The following NR3C2 variants were observed in gnomAD, a reference collection of about 807,000 sequenced individuals.
NR3C2 encodes the protein mineralocorticoid receptor.
Under a neutral mutation model 86.4 loss-of-function variants are expected in NR3C2, and 15 were observed. The ratio of observed to expected loss-of-function variants is 0.17; its 90% CI spans 0.12 to 0.27. The LOEUF (loss-of-function observed/expected upper bound fraction) is 0.27, where lower values mean the gene tolerates loss of function less well. Ranked by LOEUF, NR3C2 falls within the 10% of genes least tolerant of loss-of-function variation. NR3C2 has a pLI of 1.00. For synonymous variants in NR3C2, 458 were observed against 450.5 expected, an observed-to-expected ratio of 1.02 and a Z score of -0.21; for missense variants, 960 against 1,195.6, an observed-to-expected ratio of 0.80 and a Z score of 2.91.
intron 2 of NR3C2, among the ~76,000 whole-genome samples, chr4:148,361,199 T>C (rs1464305685): frequency 6.6e-6 from 1 of 152,168 alleles, no homozygotes; most frequent in East Asian, 1.9e-4. Context: ...ACATCCAGAA[T>C]AAATTTTAAA....
chr4:148,444,035 TC>T, upstream of NR3C2: 1 of 985,308 alleles, frequency 1.0e-6, no homozygotes, highest in Non-Finnish European at 1.2e-6. Context: ...CCGCCGAGCG[TC>T]CCAACTTTCC....
chr4:148,329,690 A>T (rs1744139392), intron 2 of NR3C2, among the ~76,000 whole-genome samples: 1 of 152,268 alleles, frequency 6.6e-6, no homozygotes, highest in Non-Finnish European at 1.5e-5. Flanking sequence ...TTAAGTTATT[A>T]GGACTTTCTA....
intron 2 of NR3C2, among the ~76,000 whole-genome samples, chr4:148,413,019 T>C (rs1748787728): frequency 6.6e-6 from 1 of 152,236 alleles, no homozygotes; most frequent in East Asian, 1.9e-4. Flanking sequence ...AATGAATAAC[T>C]GATCAAAACT....
chr4:148,097,934 GATCAGCATGA>G (rs1731366650), intron 8 of NR3C2, among the ~76,000 whole-genome samples: 1 of 151,936 alleles, frequency 6.6e-6, no homozygotes, highest in Non-Finnish European at 1.5e-5. Context: ...AGAGGAACAG[GATCAGCATGA>G]GAATATGGCT....
chr4:148,329,474 A>G (rs1744123944), intron 2 of NR3C2, among the ~76,000 whole-genome samples: 1 of 152,122 alleles, frequency 6.6e-6, no homozygotes, highest in Admixed American at 6.5e-5. Context: ...TTTCATTTAC[A>G]TTATTTACAG....
chr4:148,284,973 G>A (rs567336439), intron 2 of NR3C2, among the ~76,000 whole-genome samples: 1 of 152,258 alleles, frequency 6.6e-6, no homozygotes, highest in East Asian at 1.9e-4. Flanking sequence ...TACAGAGCAG[G>A]TACTGGCAGG....
intron 4 of NR3C2, among the ~76,000 whole-genome samples, chr4:148,167,649 A>G (rs1734939254): frequency 1.3e-5 from 2 of 152,258 alleles, no homozygotes; most frequent in South Asian, 2.1e-4. Flanking sequence ...TAGGCACTAA[A>G]TAAGTGCTTA....
At chr4:148,282,018 T>A (rs1055022598) in intron 2 of NR3C2, among the ~76,000 whole-genome samples, 12 of 152,194 alleles carry the variant, frequency 7.9e-5, no homozygotes, top group African/African-American at 2.9e-4. Context: ...TTTATGAGTA[T>A]CTCTTACTTA....
intron 3 of NR3C2, among the ~76,000 whole-genome samples, chr4:148,229,260 G>A (rs28465033): frequency 0.13 from 20,257 of 152,052 alleles, 1,581 homozygotes; most frequent in African/African-American, 0.21. Flanking sequence ...GAGAAGCCTG[G>A]CCTCTTCAGC....
At chr4:148,358,545 G>A (rs1420333451) in intron 2 of NR3C2, among the ~76,000 whole-genome samples, 7 of 151,000 alleles carry the variant, frequency 4.6e-5, no homozygotes, top group South Asian at 2.1e-4. Flanking sequence ...TGGATGCAGC[G>A]CACCAGCATG....
At chr4:148,147,439 T>C (rs937890612) in intron 6 of NR3C2, among the ~76,000 whole-genome samples, 9 of 152,228 alleles carry the variant, frequency 5.9e-5, no homozygotes, top group Admixed American at 3.3e-4. Flanking sequence ...CACTGATTAA[T>C]AGATTGTTTG....
upstream of NR3C2, among the ~76,000 whole-genome samples, chr4:148,443,440 G>A (rs1428519296): frequency 6.6e-6 from 1 of 151,952 alleles, no homozygotes; most frequent in Non-Finnish European, 1.5e-5. Flanking sequence ...ACATAAGTGG[G>A]AGAAACAGAC....
chr4:148,237,197 G>A (rs1345233349), intron 3 of NR3C2, among the ~76,000 whole-genome samples: 3 of 152,132 alleles, frequency 2.0e-5, no homozygotes, highest in Non-Finnish European at 4.4e-5. Flanking sequence ...AAATTCTAGG[G>A]AAGACATACC....
upstream of NR3C2, chr4:148,442,490 G>C (rs555598549): frequency 4.1e-6 from 1 of 246,788 alleles, no homozygotes; most frequent in African/African-American, 2.3e-5. Context: ...GCCCGGAGGG[G>C]GAGTGGGCCA....
chr4:148,335,277 T>C (rs1744423205), intron 2 of NR3C2, among the ~76,000 whole-genome samples: 1 of 152,244 alleles, frequency 6.6e-6, no homozygotes, highest in Admixed American at 6.5e-5. Context: ...TACCATTTAA[T>C]TTTGATCATT....
At chr4:148,216,412 TC>T (rs1373260535) in intron 3 of NR3C2, among the ~76,000 whole-genome samples, 6 of 152,138 alleles carry the variant, frequency 3.9e-5, no homozygotes, top group African/African-American at 1.4e-4. Context: ...TCTTAGCATC[TC>T]CATTTTACGT....
At chr4:148,348,337 T>C (rs1218377757) in intron 2 of NR3C2, among the ~76,000 whole-genome samples, 2 of 152,166 alleles carry the variant, frequency 1.3e-5, no homozygotes, top group Non-Finnish European at 2.9e-5. Context: ...ATGTGATTTA[T>C]GTCCAATTCA....
chr4:148,153,225 G>A (rs568516401), intron 5 of NR3C2, among the ~76,000 whole-genome samples: 1 of 126,658 alleles, frequency 7.9e-6, no homozygotes, highest in Non-Finnish European at 1.8e-5. Flanking sequence ...TCATTCTGTC[G>A]CCCAGGCTGG....
intron 2 of NR3C2, among the ~76,000 whole-genome samples, chr4:148,285,434 C>T (rs567189919): frequency 1.8e-4 from 27 of 152,158 alleles, no homozygotes; most frequent in Admixed American, 5.9e-4. Context: ...CCAGGCCGGA[C>T]GTGGTGGCTC....
Sources: gnomAD v4.1 joint callset for allele counts (sites outside exome capture counted in the v4.1 genomes callset) on GRCh38, gnomAD v4.1.1 for gene constraint, MANE v1.5 for transcripts, NCBI Gene and HGNC (gene_info 2026-07-23, HGNC 2026-07-21) for gene names.